The following BNC2 variants were observed in gnomAD, a reference collection of about 807,000 sequenced individuals.
The protein encoded by BNC2 is basonuclin zinc finger protein 2.
In BNC2, 20 loss-of-function variants were observed where a neutral mutation model predicts 76.3. That is an observed-to-expected ratio of 0.26 (90% CI 0.18 to 0.38). The LOEUF (loss-of-function observed/expected upper bound fraction) is 0.38. Among genes scored for constraint, BNC2 ranks in the 10% least tolerant of loss-of-function variants. BNC2 has a pLI of 1.00. For synonymous variants in BNC2, 582 were observed against 514.8 expected, an observed-to-expected ratio of 1.13 and a Z score of -1.77; for missense variants, 1,382 against 1,399.8, an observed-to-expected ratio of 0.99 and a Z score of 0.20.
intron 4 of BNC2, among the ~76,000 whole-genome samples, chr9:16,559,703 T>A (rs1013186409): frequency 3.3e-5 from 5 of 152,212 alleles, no homozygotes; most frequent in African/African-American, 1.2e-4. Flanking sequence ...AATAGCTTTT[T>A]TCCTTCATTA....
At chr9:16,859,837 T>A (rs1210980646) in intron 1 of BNC2, among the ~76,000 whole-genome samples, 2 of 152,172 alleles carry the variant, frequency 1.3e-5, no homozygotes. Flanking sequence ...ATGGTTAACA[T>A]GGGCCAGGCA....
intron 3 of BNC2, among the ~76,000 whole-genome samples, chr9:16,687,686 C>T (rs1401226013): frequency 6.6e-6 from 1 of 152,088 alleles, no homozygotes; most frequent in Non-Finnish European, 1.5e-5. Flanking sequence ...AAGTGTAAAC[C>T]TCACCCGATC....
intron 6 of BNC2, among the ~76,000 whole-genome samples, chr9:16,421,105 T>C (rs1439845945): frequency 6.6e-6 from 1 of 152,112 alleles, no homozygotes; most frequent in African/African-American, 2.4e-5. Context: ...ACGTGGGTGA[T>C]ATTTCCTAGA....
intron 1 of BNC2, among the ~76,000 whole-genome samples, chr9:16,806,523 T>C (rs12351269): frequency 0.11 from 16,449 of 152,268 alleles, 1,394 homozygotes; most frequent in East Asian, 0.33. Flanking sequence ...CCAATAATCC[T>C]GGGAAATTAC....
intron 3 of BNC2, among the ~76,000 whole-genome samples, chr9:16,670,060 C>T (rs189631894): frequency 2.0e-5 from 3 of 152,310 alleles, no homozygotes; most frequent in Non-Finnish European, 4.4e-5. Context: ...CAAATAAGTA[C>T]TGAAAGCATG....
Position 16,436,930 on chromosome 9 carries a change from T to G in BNC2, c.1264A>C (p.Ser422Arg). The G allele has an allele frequency of 6.2e-7, 1 of 1,614,132 alleles. No individual in the cohort carries two copies. Among genetic ancestry groups the G allele is most frequent in the Non-Finnish European group, 8.5e-7 (1 of 1,180,034 alleles). The change falls in exon 6 of 7, where the codon AGC becomes CGC. Residue 422 changes from serine to arginine, a missense_variant. Ser to Arg is a moderately radical substitution (Grantham distance 110). Transcript: ENST00000380672. ...CTCATCCGATGAATCCGGAATGAGC[T>G]TTTTGGGTGTTCAGTTTTGGTTAGA... ...SDLTKTEHPK[S>R]SFRIHRMRRM...
At chr9:16,628,730 A>C (rs1432862736) in intron 3 of BNC2, among the ~76,000 whole-genome samples, 1 of 152,232 alleles carries the variant, frequency 6.6e-6, no homozygotes, top group Admixed American at 6.5e-5. Flanking sequence ...CTTCATTTGT[A>C]ACCACAAAGC....
chr9:16,592,368 A>G (rs1264021243), intron 3 of BNC2, among the ~76,000 whole-genome samples: 1 of 152,212 alleles, frequency 6.6e-6, no homozygotes, highest in Non-Finnish European at 1.5e-5. Context: ...AAAGGAATGA[A>G]CCACGGATAC....
intron 1 of BNC2, among the ~76,000 whole-genome samples, chr9:16,789,936 C>T (rs1159396462): frequency 6.6e-6 from 1 of 152,218 alleles, no homozygotes; most frequent in Admixed American, 6.5e-5. Flanking sequence ...TCAATAAATA[C>T]AGGTAGTCCT....
intron 1 of BNC2, among the ~76,000 whole-genome samples, chr9:16,759,913 C>T (rs531896244): frequency 4.6e-5 from 7 of 152,142 alleles, no homozygotes; most frequent in South Asian, 2.1e-4. Flanking sequence ...TCAGTAGAGA[C>T]GGGGTTTCAC....
rs144939479 is a variant in BNC2 at position 16,831,839 on chromosome 9, C to T, written c.3+38807G>A. Among the ~76,000 whole-genome samples, 7 of 152,238 alleles carry T rather than the reference C, an allele frequency of 4.6e-5. No homozygotes were observed. In the East Asian group the frequency reaches 1.2e-3, roughly 25 times the overall value. ...TGCATCAAGCTCCATAGAGACTCTC[C>T]CTAATGCTTTTCTGTTTTACTCCAC... On this transcript the variant is annotated intron_variant, in intron 1 of 6. Transcript: ENST00000380672.
rs1554703003 is a variant in BNC2, at chr9:16,667,101, A to ACACACACACACACG, written c.330+60695_330+60696insCGTGTGTGTGTGTG. Among the ~76,000 whole-genome samples the ACACACACACACACG allele has an allele frequency of 4.6e-4, 68 of 148,878 alleles. 1 individual carries two copies. The highest frequency in any genetic ancestry group is 1.6e-3 in the African/African-American group (62 of 38,716). On this transcript the variant is annotated intron_variant, in intron 3 of 6. Transcript: ENST00000380672. Reference sequence around the variant, plus strand: ...CACATACACACACACACACACACACACACACACGCACACACGCACACACGC... The same window carrying ACACACACACACACG: ...CACATACACACACACACACACACACACACACACACACACGCACACACGCACACACGCACACACGC...
At chr9:16,484,090 G>C (rs1822112467) in intron 5 of BNC2, among the ~76,000 whole-genome samples, 1 of 152,198 alleles carries the variant, frequency 6.6e-6, no homozygotes, top group African/African-American at 2.4e-5. Flanking sequence ...CAAGGCTTTT[G>C]ACGTGGTGTC....
At chr9:16,495,132 G>C (rs111359287) in intron 5 of BNC2, among the ~76,000 whole-genome samples, 6 of 152,212 alleles carry the variant, frequency 3.9e-5, no homozygotes, top group African/African-American at 1.2e-4. Flanking sequence ...AAGTGGATAG[G>C]GGATTATTAC....
chr9:16,741,868 G>A (rs2135168294), intron 1 of BNC2, among the ~76,000 whole-genome samples: 1 of 138,386 alleles, frequency 7.2e-6, no homozygotes, highest in South Asian at 2.3e-4. Flanking sequence ...TGAGGCACGA[G>A]AATCGCTTGA....
intron 4 of BNC2, among the ~76,000 whole-genome samples, chr9:16,563,844 G>C (rs781292914): frequency 2.2e-4 from 34 of 152,132 alleles, no homozygotes; most frequent in Non-Finnish European, 3.2e-4. Flanking sequence ...TTCACCGGCA[G>C]ATACTTCACT....
chr9:16,813,235 C>T (rs985992551), intron 1 of BNC2, among the ~76,000 whole-genome samples: 6 of 151,850 alleles, frequency 4.0e-5, no homozygotes, highest in African/African-American at 1.2e-4. Context: ...ATACCCACAA[C>T]ATTACCATAA....
At chr9:16,838,554 T>A (rs930149707) in intron 1 of BNC2, among the ~76,000 whole-genome samples, 14 of 152,128 alleles carry the variant, frequency 9.2e-5, no homozygotes, top group African/African-American at 3.4e-4. Flanking sequence ...AGAGCGAAAC[T>A]CCGTGTTAAA....
intron 4 of BNC2, chr9:16,575,301 CA>C: frequency 5.1e-6 from 5 of 985,424 alleles, no homozygotes; most frequent in Non-Finnish European, 6.0e-6. Context: ...CTGTGTGTTT[CA>C]TTCTCAACAC....
Sources: gnomAD v4.1 joint callset for allele counts (sites outside exome capture counted in the v4.1 genomes callset) on GRCh38, gnomAD v4.1.1 for gene constraint, MANE v1.5 for transcripts, NCBI Gene and HGNC (gene_info 2026-07-23, HGNC 2026-07-21) for gene names.